MEAF6: variants seen among roughly 807,000 people sequenced by gnomAD.
MEAF6 encodes chromatin modification-related protein MEAF6.
A neutral mutation model predicts 28.9 loss-of-function variants in MEAF6; 15 were observed. The ratio of observed to expected loss-of-function variants is 0.52; its 90% CI spans 0.35 to 0.80. The LOEUF is 0.80. Among genes scored for constraint, MEAF6 ranks in the 30% least tolerant of loss-of-function variants. MEAF6 has a pLI of 0.01. For synonymous variants in MEAF6, 97 were observed against 88.7 expected, an observed-to-expected ratio of 1.09 and a Z score of -0.53; for missense variants, 178 against 237.5, an observed-to-expected ratio of 0.75 and a Z score of 1.65.
intron 4 of MEAF6, among the ~76,000 whole-genome samples, chr1:37,505,398 G>A (rs1642448075): frequency 6.6e-6 from 1 of 152,192 alleles, no homozygotes; most frequent in East Asian, 1.9e-4. Flanking sequence ...TCCCACCCAA[G>A]GCCCATGGGC....
chr1:37,504,953 G>A (rs2148076705), intron 4 of MEAF6, among the ~76,000 whole-genome samples: 1 of 151,772 alleles, frequency 6.6e-6, no homozygotes, highest in South Asian at 2.1e-4. Context: ...GCGCGATCTT[G>A]GCTCACTGCC....
intron 5 of MEAF6, chr1:37,501,392 T>TA (rs1434973418): frequency 1.9e-5 from 3 of 156,450 alleles, no homozygotes; most frequent in African/African-American, 4.8e-5. Flanking sequence ...CACAAAGAAA[T>TA]AAGAGTAGGC....
rs111619433 is a variant in MEAF6 at position 37,494,144 on chromosome 1, G to T, written c.568-37C>A. 2,388 of 1,578,536 alleles carry T rather than the reference G, an allele frequency of 1.5e-3. 27 individuals carry two copies. The African/African-American group carries it at 0.028, about 18-fold the overall frequency. On this transcript the variant is annotated intron_variant, in intron 6 of 6. Transcript: ENST00000296214. ...AAAACAAAAGTCCCAACTTACTCTC[G>T]GCAGAACAGTTGTTTGACCCTAAAG...
At chr1:37,496,063 G>A (rs1642122632) in intron 5 of MEAF6, 145 bp from the exon 6 acceptor site, 2 of 688,208 alleles carry the variant, frequency 2.9e-6, no homozygotes, top group Non-Finnish European at 5.0e-6. Flanking sequence ...GTCATATTTA[G>A]TTGTTTACCC....
intron 5 of MEAF6, among the ~76,000 whole-genome samples, chr1:37,499,111 ACTG>A (rs113323132): frequency 4.7e-4 from 71 of 152,182 alleles, no homozygotes; most frequent in African/African-American, 1.6e-3. Context: ...TGATCTCACC[ACTG>A]CACTCCAGCC....
At chr1:37,504,904 CAG>C (rs1448608810) in intron 4 of MEAF6, among the ~76,000 whole-genome samples, 1 of 151,200 alleles carries the variant, frequency 6.6e-6, no homozygotes, top group African/African-American at 2.4e-5. Context: ...TTTTTTGAGA[CAG>C]AGTCTTGCTG....
chr1:37,508,938 A>T (rs1642574758), intron 4 of MEAF6, among the ~76,000 whole-genome samples: 1 of 152,192 alleles, frequency 6.6e-6, no homozygotes, highest in South Asian at 2.1e-4. Context: ...CTCTTTAAAA[A>T]ATTTAAAAAT....
intron 1 of MEAF6, 147 bp from the exon 2 acceptor site, chr1:37,513,685 A>G: frequency 1.5e-6 from 1 of 678,612 alleles, no homozygotes; most frequent in Non-Finnish European, 2.6e-6. Context: ...TACGGGGAGG[A>G]GGAGCCGTTT....
intron 2 of MEAF6, among the ~76,000 whole-genome samples, chr1:37,510,883 C>A (rs980226042): frequency 5.9e-5 from 9 of 152,060 alleles, no homozygotes; most frequent in African/African-American, 2.2e-4. Context: ...CCACCACGTC[C>A]GGCTAATTTT....
intron 4 of MEAF6, among the ~76,000 whole-genome samples, chr1:37,504,772 C>CA (rs1207977254): frequency 0.094 from 3,936 of 42,014 alleles, 490 homozygotes; most frequent in African/African-American, 0.27. Context: ...GACTCCATCT[C>CA]AAAAAAAAAA....
chr1:37,513,622 A>C, intron 1 of MEAF6, 84 bp from the exon 2 acceptor site: 1 of 1,112,414 alleles, frequency 9.0e-7, no homozygotes, highest in Non-Finnish European at 1.4e-6. Context: ...CTGATATTAG[A>C]CTCGTAAACG....
rs532625478 is a variant in MEAF6, at chr1:37,509,736, T to C, written c.207-194A>G. Among the ~76,000 whole-genome samples, 3 of 152,306 alleles carry C rather than the reference T, an allele frequency of 2.0e-5. No homozygotes were observed. The South Asian group carries it at 6.2e-4, about 32-fold the overall frequency. ...TCCCACTGTGAGACATGAGATTTAGTTGCTTCACATGTTCATTTTTTAAAT... is the reference window on the plus strand; with the variant it reads ...TCCCACTGTGAGACATGAGATTTAGCTGCTTCACATGTTCATTTTTTAAAT... On this transcript the variant is annotated intron_variant, in intron 2 of 6. Transcript: ENST00000296214.
chr1:37,506,998 G>A (rs891737325), intron 4 of MEAF6, among the ~76,000 whole-genome samples: 2 of 152,200 alleles, frequency 1.3e-5, no homozygotes, highest in African/African-American at 2.4e-5. Context: ...GATCAGCTAA[G>A]CCAGGGCAAG....
chr1:37,505,186 G>C (rs557227233), intron 4 of MEAF6, among the ~76,000 whole-genome samples: 2 of 152,260 alleles, frequency 1.3e-5, no homozygotes, highest in African/African-American at 4.8e-5. Flanking sequence ...ATCTGGCCCA[G>C]TTTTCTTCTT....
Position 37,493,869 on chromosome 1 carries a change from C to G in MEAF6, c.*230G>C, listed in dbSNP as rs215211. On this transcript the variant is annotated 3_prime_UTR_variant, in exon 7 of 7. Transcript: ENST00000296214. ...CTTGCTGGGATTACAACATTGTCTT[C>G]ATCTTCCTGCAGTTCTGTTACTAAA... 1,301,511 of 1,556,620 alleles carry G rather than the reference C, an allele frequency of 0.84. 548,148 individuals carry two copies. Among genetic ancestry groups the G allele is most frequent in the East Asian group, 0.88 (36,809 of 42,034 alleles).
chr1:37,491,462 AAGGACTGCTTGAGGCCAGG>A lies in MEAF6; in HGVS notation c.*2618_*2636del, dbSNP rs1189820266. Among the ~76,000 whole-genome samples the A allele has an allele frequency of 1.1e-4, 17 of 152,302 alleles. No homozygotes were observed. Among genetic ancestry groups the A allele is most frequent in the African/African-American group, 2.9e-4 (12 of 41,564 alleles). On this transcript the variant is annotated 3_prime_UTR_variant, in exon 7 of 7. Coordinates refer to ENST00000296214, the MANE Select transcript of MEAF6 (RefSeq NM_001270875.3). ...CCAGCACTTTGGGAGGCCAAGGCAG[AAGGACTGCTTGAGGCCAGG>A]AGGACTGCTTGAGGCCAGCCTGGGC...
At chr1:37,509,664 C>T (rs1251797912) in intron 2 of MEAF6, 122 bp from the exon 3 acceptor site, 2 of 772,032 alleles carry the variant, frequency 2.6e-6, no homozygotes, top group Non-Finnish European at 4.3e-6. Flanking sequence ...CCCAAACGAC[C>T]TTTATGCTGA....
chr1:37,504,772 C>CAAA (rs1207977254), intron 4 of MEAF6, among the ~76,000 whole-genome samples: 1 of 42,156 alleles, frequency 2.4e-5, no homozygotes, highest in African/African-American at 8.2e-5. Flanking sequence ...GACTCCATCT[C>CAAA]AAAAAAAAAA....
Position 37,497,576 on chromosome 1 carries a change from GTATT to G in MEAF6, c.534-1662_534-1659del, listed in dbSNP as rs58313664. Among the ~76,000 whole-genome samples the G allele has an allele frequency of 1.4e-3, 212 of 149,834 alleles. 1 individual carries two copies. The highest frequency in any genetic ancestry group is 4.6e-3 in the African/African-American group (189 of 40,866). ...AGAAACACAAAAGTCTGCAGCACCC[GTATT>G]TATTTATTTATTTATTTATTTATTT... is the stretch of plus-strand genomic sequence containing the variant. On this transcript the variant is annotated intron_variant, in intron 5 of 6. Transcript: ENST00000296214.
Sources: allele counts gnomAD v4.1 joint callset (sites outside exome capture counted in the v4.1 genomes callset), GRCh38; gene constraint gnomAD v4.1.1; transcripts MANE v1.5; gene names NCBI Gene and HGNC (gene_info 2026-07-23, HGNC 2026-07-21).